Variants in POMT1 observed in about 807,000 individuals in gnomAD.
POMT1 encodes protein O-mannosyltransferase 1, also known as protein O-mannosyl-transferase 1.
A neutral mutation model predicts 101.6 loss-of-function variants in POMT1; 85 were observed. The observed-to-expected ratio is 0.84, with a 90% CI of 0.70 to 1.00. The LOEUF is 1.00. Ranked by LOEUF, POMT1 falls within the 50% of genes least tolerant of loss-of-function variation. POMT1 has a pLI of 0.00. For missense variants in POMT1, 857 were observed against 930.4 expected (o/e 0.92, Z 1.03); for synonymous variants, 371 against 383.0 (o/e 0.97, Z 0.37).
intron 11 of POMT1, 30 bp from the exon 12 acceptor site, chr9:131,513,209 G>C: frequency 6.3e-7 from 1 of 1,595,376 alleles, no homozygotes; most frequent in African/African-American, 1.3e-5. Flanking sequence ...ACCAGGCTCT[G>C]TGTGGTCCCG....
chr9:131,521,607 G>A (rs1381322998), intron 18 of POMT1, 135 bp downstream of exon 18: 1 of 1,105,598 alleles, frequency 9.0e-7, no homozygotes, highest in African/African-American at 1.6e-5. Flanking sequence ...TAGGATTACA[G>A]GTGTGCGCTG....
At chr9:131,513,935 C>T (rs973028875) in intron 12 of POMT1, among the ~76,000 whole-genome samples, 14 of 152,246 alleles carry the variant, frequency 9.2e-5, no homozygotes, top group African/African-American at 3.4e-4. Context: ...GGCTACCTCT[C>T]CTGGACTTCC....
Position 131,518,911 on chromosome 9 carries a change from C to G in POMT1, c.1440C>G (p.Tyr480Ter). 6.2e-7 allele frequency: 1 copy of G among 1,613,818 alleles called. No individual in the cohort carries two copies. Among genetic ancestry groups the G allele is most frequent in the South Asian group, 1.1e-5 (1 of 91,092 alleles). ...TCGGGGAGAAGCTGTCCCGGGGCTACCACGGGAGCACGGTGTGGAACGTGG... is the reference window on the plus strand; with the variant it reads ...TCGGGGAGAAGCTGTCCCGGGGCTAGCACGGGAGCACGGTGTGGAACGTGG... ...EIVGEKLSRGYHGSTVWNVEE... is the reference protein window; with the variant it reads ...EIVGEKLSRG Residue 480 changes from tyrosine to a stop codon, truncating the protein, a stop_gained, in exon 15 of 20, where the codon TAC becomes TAG. Coordinates refer to ENST00000402686, the MANE Select transcript of POMT1 (RefSeq NM_001077365.2). LOFTEE classifies it high-confidence loss of function.
Position 131,522,050 on chromosome 9 carries a change from C to CCTGGCTGCGCTGGGTG in POMT1, c.1837_1852dup (p.Gly618AlafsTer96), listed in dbSNP as rs1315540509. 1.2e-6 allele frequency: 2 copies of CCTGGCTGCGCTGGGTG among 1,613,944 alleles called. No individual in the cohort carries two copies. Among genetic ancestry groups the CCTGGCTGCGCTGGGTG allele is most frequent in the Non-Finnish European group, 1.7e-6 (2 of 1,179,994 alleles). On this transcript the variant is annotated frameshift_variant, in exon 19 of 20. Coordinates refer to ENST00000402686, the MANE Select transcript of POMT1 (RefSeq NM_001077365.2). LOFTEE classifies it high-confidence loss of function. This position sits in a 1 kb window ranked among gnomAD's most constrained non-coding sequence, Gnocchi z 5.5. ...TAGCTCGAGCCCTTTCCTATAGATGCCTGGCTGCGCTGGGTGCTGGCTGGG... is the reference window on the plus strand; with the variant it reads ...TAGCTCGAGCCCTTTCCTATAGATGCCTGGCTGCGCTGGGTGCTGGCTGCGCTGGGTGCTGGCTGGG...
chr9:131,518,200 G>T (rs1255360913), intron 13 of POMT1: 2 of 581,938 alleles, frequency 3.4e-6, no homozygotes, highest in African/African-American at 3.8e-5. Flanking sequence ...TTTCTGTGAG[G>T]AGGCCTCTTG....
At position 131,507,462 on chromosome 9, in the gene POMT1, G is replaced by A. The variant is rs1277959574; in HGVS notation, c.375G>A (p.Glu125=). ...SVPMAYQIVL[E]LHFSHCAAMG... ...CCATGGCCTACCAGATAGTGTTGGA[G>A]CTCCACTTTTCTCATTGTGCCGCCA... is the stretch of plus-strand genomic sequence containing the variant. Residue 125 remains glutamate (E), a synonymous_variant, in exon 5 of 20, where the codon GAG becomes GAA. Coordinates refer to ENST00000402686, the MANE Select transcript of POMT1 (RefSeq NM_001077365.2). 1 of 1,614,078 alleles carries A rather than the reference G, an allele frequency of 6.2e-7. No individual in the cohort carries two copies. The highest frequency in any genetic ancestry group is 8.5e-7 in the Non-Finnish European group (1 of 1,180,054).
chr9:131,504,744 TTAA>T (rs1945343224), intron 2 of POMT1, among the ~76,000 whole-genome samples: 1 of 137,240 alleles, frequency 7.3e-6, no homozygotes, highest in Non-Finnish European at 1.6e-5. Flanking sequence ...TATTAACTGA[TTAA>T]TGTGTGTATG....
At position 131,508,951 on chromosome 9, in the gene POMT1, A is replaced by G; in HGVS notation, c.468A>G (p.Glu156=). ...CTCAGTCAAGGCTAATGCTTTTGGA[A>G]TCAGTGTTAATATTTTTCAATCTAT... ...LITQSRLMLL[E]SVLIFFNLLA... is the part of the protein sequence containing the mutation. The change falls in exon 6 of 20, where the codon GAA becomes GAG. Residue 156 remains glutamate (E), a synonymous_variant. Coordinates refer to ENST00000402686, the MANE Select transcript of POMT1 (RefSeq NM_001077365.2). 1 of 1,613,960 alleles carries G rather than the reference A, an allele frequency of 6.2e-7. No individual in the cohort carries two copies. Among genetic ancestry groups the G allele is most frequent in the Non-Finnish European group, 8.5e-7 (1 of 1,179,836 alleles).
intron 13 of POMT1, among the ~76,000 whole-genome samples, chr9:131,516,064 A>G (rs997781338): frequency 6.8e-5 from 8 of 117,630 alleles, no homozygotes; most frequent in African/African-American, 2.8e-4. Context: ...CCTCTAACAC[A>G]GGACACTTCC....
rs1564329307 is a variant in POMT1, at chr9:131,505,296, G to GT, written c.123-818_123-817insT. Among the ~76,000 whole-genome samples, 286 of 28,884 alleles carry GT rather than the reference G, an allele frequency of 9.9e-3. 2 individuals are homozygous for GT. Among genetic ancestry groups the GT allele is most frequent in the African/African-American group, 0.025 (275 of 10,882 alleles). The allele number at this position is 28,884 out of a possible 152,430, so 18.9% of individuals were successfully genotyped here. A position where few individuals can be genotyped will look rare whatever the true frequency, so the allele number is the denominator to read the frequency against. ...CAGCGGTATATCTGTAAAAGATGAG[G>GT]ATTTTTTTTTTTTTTTTGGAGACAT... On this transcript the variant is annotated intron_variant, in intron 2 of 19. Transcript: ENST00000402686.
Position 131,503,765 on chromosome 9 carries a change from C to T in POMT1, c.-30-424C>T, listed in dbSNP as rs1945106611. On this transcript the variant is annotated intron_variant, in intron 1 of 19. Transcript: ENST00000402686. The surrounding 1 kb of genome is among the most constrained non-coding windows in gnomAD (Gnocchi z 4.4). ...ATCCTTGAGGAGAGATGAGGAGGCC[C>T]CGAGGCTCGGCCAGGTTGGGGTCCC... 6.6e-6 allele frequency among the ~76,000 whole-genome samples: 1 copy of T among 152,086 alleles called. No homozygotes were observed. The highest frequency in any genetic ancestry group is 1.5e-5 in the Non-Finnish European group (1 of 68,004).
chr9:131,522,236 G>A lies in POMT1; in HGVS notation c.2003+12G>A, dbSNP rs560496399. ...GACCACCTGTGCAGGTACGGGGGCT[G>A]CGGAGACAGTGGCTGGACCGGGCAG... On this transcript the variant is annotated intron_variant, in intron 19 of 19. Coordinates refer to ENST00000402686, the MANE Select transcript of POMT1 (RefSeq NM_001077365.2). This position sits in a 1 kb window ranked among gnomAD's most constrained non-coding sequence, Gnocchi z 5.5. The A allele has an allele frequency of 2.5e-5, 41 of 1,613,018 alleles. No homozygotes were observed. The highest frequency in any genetic ancestry group is 2.2e-4 in the South Asian group (20 of 91,090).
At chr9:131,509,486 TG>T (rs1554773809) in intron 6 of POMT1, among the ~76,000 whole-genome samples, 1 of 152,250 alleles carries the variant, frequency 6.6e-6, no homozygotes, top group Non-Finnish European at 1.5e-5. Context: ...TTTTGGGGGT[TG>T]GCCCTTGGCT....
chr9:131,512,173 C>T (rs1213000948), intron 11 of POMT1, 37 bp downstream of exon 11: 3 of 1,608,330 alleles, frequency 1.9e-6, no homozygotes, highest in Non-Finnish European at 2.5e-6. Context: ...GCAGAGCTCA[C>T]CTCCTGGCCT....
At chr9:131,509,073 G>A (rs1391959290) in intron 6 of POMT1, 51 bp downstream of exon 6, 1 of 1,380,006 alleles carries the variant, frequency 7.2e-7, no homozygotes, top group South Asian at 1.2e-5. Context: ...GATTCTGGGT[G>A]GTTTGTTGAT....
chr9:131,518,096 A>G (rs1250326688), intron 13 of POMT1: 2 of 385,994 alleles, frequency 5.2e-6, no homozygotes, highest in South Asian at 2.1e-5. Context: ...GAGTCCTGCC[A>G]GATAGGGACT....
intron 17 of POMT1, among the ~76,000 whole-genome samples, chr9:131,520,846 T>A (rs752395861): frequency 6.6e-6 from 1 of 152,162 alleles, no homozygotes; most frequent in Non-Finnish European, 1.5e-5. Flanking sequence ...TGTGTGTATG[T>A]GAGAGAGAAA....
At chr9:131,515,883 A>AG in intron 13 of POMT1, among the ~76,000 whole-genome samples, 5 of 116,832 alleles carry the variant, frequency 4.3e-5, no homozygotes, top group African/African-American at 9.6e-5. Context: ...CTAACACAGG[A>AG]CACTTCCTCA....
chr9:131,510,692 G>T, intron 9 of POMT1: 1 of 452,068 alleles, frequency 2.2e-6, no homozygotes. Flanking sequence ...TGTTGGTAGA[G>T]ATGGGGTTTC....
Sources: allele counts gnomAD v4.1 joint callset (sites outside exome capture counted in the v4.1 genomes callset), GRCh38; gene constraint gnomAD v4.1.1; non-coding constraint Gnocchi (gnomAD v3.1); transcripts MANE v1.5; gene names NCBI Gene and HGNC (gene_info 2026-07-23, HGNC 2026-07-21).